Variants in DUSP22 observed in about 807,000 individuals in gnomAD.
The protein encoded by DUSP22 is dual specificity protein phosphatase 22.
Under a neutral mutation model 24.5 loss-of-function variants are expected in DUSP22, and 24 were observed. The ratio of observed to expected loss-of-function variants is 0.98; its 90% CI spans 0.71 to 1.38. The LOEUF (loss-of-function observed/expected upper bound fraction) is 1.38, where lower values mean the gene tolerates loss of function less well. DUSP22 is among the 40% of genes most tolerant of loss of function. The probability of loss-of-function intolerance (pLI) is 0.00; values close to 1 mark genes in which losing one functional copy is unlikely to be tolerated. For synonymous variants in DUSP22, 160 were observed against 106.4 expected, an observed-to-expected ratio of 1.50 and a Z score of -3.10; for missense variants, 330 against 269.2, an observed-to-expected ratio of 1.23 and a Z score of -1.58.
intron 3 of DUSP22, chr6:325,345 C>G: frequency 5.3e-6 from 1 of 189,814 alleles, no homozygotes; most frequent in Non-Finnish European, 9.9e-6. Flanking sequence ...CTTCTGCATC[C>G]TGGTGTGTGC....
chr6:292,943 C>T (rs548564960), intron 1 of DUSP22, among the ~76,000 whole-genome samples: 1 of 151,168 alleles, frequency 6.6e-6, no homozygotes, highest in African/African-American at 2.5e-5. Context: ...CCACCACCGC[C>T]CCCCCCACAT....
chr6:325,600 G>A (rs1758826663), intron 3 of DUSP22: 1 of 203,254 alleles, frequency 4.9e-6, no homozygotes, highest in African/African-American at 2.5e-5. Flanking sequence ...GCATCCTGGT[G>A]TGTGCAATGC....
intron 2 of DUSP22, among the ~76,000 whole-genome samples, chr6:307,814 T>C (rs1449319449): frequency 6.6e-6 from 1 of 152,306 alleles, no homozygotes; most frequent in African/African-American, 2.4e-5. Context: ...AGCTTGTGTT[T>C]TGTGCCTGCC....
intron 1 of DUSP22, 92 bp downstream of exon 1, chr6:292,652 G>A (rs1476998054): frequency 1.3e-6 from 2 of 1,503,334 alleles, no homozygotes; most frequent in Non-Finnish European, 1.8e-6. Context: ...CGAGCCCGGG[G>A]TGCCCTTTCC....
chr6:347,609 A>G, intron 5 of DUSP22, among the ~76,000 whole-genome samples: 1 of 152,424 alleles, frequency 6.6e-6, no homozygotes, highest in South Asian at 2.1e-4. Context: ...TACAAAAGTA[A>G]GATTGGGTAA....
At chr6:292,941 G>GCC (rs35135481) in intron 1 of DUSP22, among the ~76,000 whole-genome samples, 28 of 152,106 alleles carry the variant, frequency 1.8e-4, no homozygotes, top group African/African-American at 6.0e-4. Flanking sequence ...AGCCACCACC[G>GCC]CCCCCCCCAC....
At position 341,131 on chromosome 6, in the gene DUSP22, G is replaced by C. The variant is rs144057018; in HGVS notation, c.189-4723G>C. ...CCCCTGCTGCAAGGACCGCGGGCAG[G>C]AGCGGGCATGATAGCCCCGGGCGCT... On this transcript the variant is annotated intron_variant, in intron 4 of 6. Coordinates refer to ENST00000419235, the MANE Select transcript of DUSP22 (RefSeq NM_001286555.3). Among the ~76,000 whole-genome samples the C allele has an allele frequency of 1.6e-3, 241 of 152,350 alleles. 2 individuals are homozygous for C. The East Asian group carries it at 0.029, about 18-fold the overall frequency.
intron 4 of DUSP22, among the ~76,000 whole-genome samples, chr6:344,666 T>C (rs1759771809): frequency 1.3e-5 from 2 of 152,302 alleles, no homozygotes; most frequent in African/African-American, 4.8e-5. Context: ...AGCCCCACTT[T>C]ATAAATGAGA....
chr6:331,294 A>C (rs1759129567), intron 3 of DUSP22, among the ~76,000 whole-genome samples: 1 of 152,298 alleles, frequency 6.6e-6, no homozygotes, highest in Non-Finnish European at 1.5e-5. Flanking sequence ...AAGACAACCC[A>C]TTTTATCTTT....
chr6:326,530 G>A (rs1447485281), intron 3 of DUSP22, among the ~76,000 whole-genome samples: 1 of 112,164 alleles, frequency 8.9e-6, no homozygotes, highest in African/African-American at 3.0e-5. Context: ...TCCGCGTCCT[G>A]GTGTGTGCAG....
At chr6:327,939 A>G (rs1228451969) in intron 3 of DUSP22, among the ~76,000 whole-genome samples, 2 of 152,298 alleles carry the variant, frequency 1.3e-5, no homozygotes, top group African/African-American at 4.8e-5. Context: ...GGGGTTGTGG[A>G]CAGATGCTGA....
intron 3 of DUSP22, 76 bp from the exon 4 acceptor site, chr6:335,038 A>G: frequency 6.6e-7 from 1 of 1,524,012 alleles, no homozygotes; most frequent in Admixed American, 1.8e-5. Context: ...GACCTGTGTA[A>G]ATAGTTCCTT....
rs940819552 is a variant in DUSP22, at chr6:295,510, C to G, written c.21+2950C>G. Among the ~76,000 whole-genome samples the G allele has an allele frequency of 2.6e-5, 4 of 152,254 alleles. No homozygotes were observed. In the South Asian group the frequency reaches 8.3e-4, roughly 31 times the overall value. ...AAAGACAGGACTGGGCGTGGTGGCT[C>G]GTGCCTGTAATCACAGCACTTTGGG... On this transcript the variant is annotated intron_variant, in intron 1 of 6. Transcript: ENST00000419235.
chr6:304,583 A>C, intron 1 of DUSP22, 45 bp from the exon 2 acceptor site: 1 of 1,614,050 alleles, frequency 6.2e-7, no homozygotes, highest in African/African-American at 1.3e-5. Flanking sequence ...AATACCATCC[A>C]CTTAGAGTCT....
intron 4 of DUSP22, among the ~76,000 whole-genome samples, chr6:343,847 C>T (rs1222345476): frequency 6.6e-6 from 1 of 152,308 alleles, no homozygotes; most frequent in Non-Finnish European, 1.5e-5. Context: ...ATTCTTATTA[C>T]ATTCATGTGC....
At chr6:322,342 T>C (rs1342204151) in intron 3 of DUSP22, among the ~76,000 whole-genome samples, 4 of 152,306 alleles carry the variant, frequency 2.6e-5, no homozygotes, top group Non-Finnish European at 5.9e-5. Context: ...TTGTTACTCC[T>C]GTAACCCCTT....
chr6:329,370 C>T (rs551461834), intron 3 of DUSP22, among the ~76,000 whole-genome samples: 3 of 152,424 alleles, frequency 2.0e-5, no homozygotes, highest in African/African-American at 7.2e-5. Context: ...TGAAAAAGTC[C>T]TGGAGACGGG....
intron 5 of DUSP22, among the ~76,000 whole-genome samples, chr6:346,322 C>T (rs1391106241): frequency 6.6e-6 from 1 of 152,288 alleles, no homozygotes; most frequent in Non-Finnish European, 1.5e-5. Flanking sequence ...GTTTTTTCTT[C>T]AGGAGACTTG....
At chr6:329,673 C>T (rs865899967) in intron 3 of DUSP22, among the ~76,000 whole-genome samples, 13 of 152,408 alleles carry the variant, frequency 8.5e-5, no homozygotes, top group Admixed American at 2.6e-4. Context: ...AGGCTGGTCT[C>T]GAACTCCTGA....
Sources: gnomAD v4.1 joint callset for allele counts (sites outside exome capture counted in the v4.1 genomes callset) on GRCh38, gnomAD v4.1.1 for gene constraint, MANE v1.5 for transcripts, NCBI Gene and HGNC (gene_info 2026-07-23, HGNC 2026-07-21) for gene names.